The following ARHGEF4 variants were observed in gnomAD, a reference collection of about 807,000 sequenced individuals.
The protein encoded by ARHGEF4 is Rho guanine nucleotide exchange factor 4.
ARHGEF4 carries 119 observed loss-of-function variants against 162.0 expected under a neutral mutation model. The ratio of observed to expected loss-of-function variants is 0.73; its 90% CI spans 0.63 to 0.86. ARHGEF4 has a LOEUF of 0.86. Among genes scored for constraint, ARHGEF4 ranks in the 40% least tolerant of loss-of-function variants. ARHGEF4 has a pLI of 0.00. For synonymous variants in ARHGEF4, 1,014 were observed against 979.9 expected (o/e 1.03, Z -0.65); for missense variants, 2,488 against 2,456.0 (o/e 1.01, Z -0.28).
intron 4 of ARHGEF4, among the ~76,000 whole-genome samples, chr2:130,970,663 C>G (rs1685302880): frequency 6.6e-6 from 1 of 151,468 alleles, no homozygotes; most frequent in Admixed American, 6.6e-5. Flanking sequence ...TTGCATTTTC[C>G]TAGCAACTCC....
chr2:130,884,609 C>A (rs1679397526), intron 1 of ARHGEF4, among the ~76,000 whole-genome samples: 1 of 152,096 alleles, frequency 6.6e-6, no homozygotes, highest in African/African-American at 2.4e-5. Context: ...GGGCAAGTTG[C>A]AACACCTGTT....
chr2:131,028,066 G>A lies in ARHGEF4; in HGVS notation c.4107G>A (p.Glu1369=). The change falls in exon 5 of 14, where the codon GAG becomes GAA. Residue 1369 remains glutamate, a synonymous_variant. Transcript: ENST00000409359. The part of the protein sequence containing the change: ...HHYSHPGGGG[E]QLAINELISD... ...ACAGCCACCCTGGAGGGGGTGGGGA[G>A]CAGCTGGCTATCAATGAGGTAGGGT... 6.2e-7 allele frequency: 1 copy of A among 1,614,002 alleles called. No homozygotes were observed. Among genetic ancestry groups the A allele is most frequent in the Non-Finnish European group, 8.5e-7 (1 of 1,180,012 alleles).
intron 1 of ARHGEF4, among the ~76,000 whole-genome samples, chr2:130,851,283 G>A (rs1681391491): frequency 6.6e-6 from 1 of 152,244 alleles, no homozygotes; most frequent in Admixed American, 6.5e-5. Flanking sequence ...GCATCTGTTG[G>A]TGGCGCCAAC....
chr2:130,906,144 G>A (rs1680799215), intron 1 of ARHGEF4, among the ~76,000 whole-genome samples: 1 of 152,114 alleles, frequency 6.6e-6, no homozygotes, highest in South Asian at 2.1e-4. Context: ...GCACCACAAT[G>A]TGCTCCAGGT....
intron 5 of ARHGEF4, among the ~76,000 whole-genome samples, chr2:131,031,503 A>G (rs1573664730): frequency 6.6e-6 from 1 of 152,352 alleles, no homozygotes; most frequent in East Asian, 1.9e-4. Flanking sequence ...TGCAGAAGCC[A>G]TAGTCCTGCC....
chr2:131,011,590 T>C, intron 4 of ARHGEF4: 1 of 1,514,516 alleles, frequency 6.6e-7, no homozygotes, highest in Non-Finnish European at 8.8e-7. Flanking sequence ...CATTTCATGC[T>C]ATTAATCCCC....
intron 4 of ARHGEF4, among the ~76,000 whole-genome samples, chr2:130,978,979 T>C (rs1233005968): frequency 6.6e-6 from 1 of 152,188 alleles, no homozygotes; most frequent in Non-Finnish European, 1.5e-5. Context: ...TCTCCAAAGT[T>C]ATCAGAAACC....
chr2:130,980,125 G>C (rs1366942712), intron 4 of ARHGEF4, among the ~76,000 whole-genome samples: 2 of 152,172 alleles, frequency 1.3e-5, no homozygotes, highest in African/African-American at 2.4e-5. Context: ...GGATGGGCAT[G>C]GTGGCTCATG....
intron 2 of ARHGEF4, among the ~76,000 whole-genome samples, chr2:130,928,321 A>T (rs1218951935): frequency 6.6e-6 from 1 of 152,188 alleles, no homozygotes; most frequent in Non-Finnish European, 1.5e-5. Context: ...AAGATACAGG[A>T]TTATACCGGG....
intron 3 of ARHGEF4, among the ~76,000 whole-genome samples, chr2:130,931,716 T>C (rs1007545830): frequency 6.6e-6 from 1 of 152,260 alleles, no homozygotes; most frequent in Non-Finnish European, 1.5e-5. Flanking sequence ...CTAGGACACT[T>C]TGACAACATG....
intron 2 of ARHGEF4, among the ~76,000 whole-genome samples, chr2:130,923,510 C>T (rs1257294504): frequency 1.3e-5 from 2 of 152,180 alleles, no homozygotes; most frequent in Non-Finnish European, 2.9e-5. Context: ...GTCATCAAGT[C>T]GATAAACTGA....
intron 1 of ARHGEF4, among the ~76,000 whole-genome samples, chr2:130,856,117 A>G (rs963301285): frequency 1.3e-5 from 2 of 152,240 alleles, no homozygotes; most frequent in African/African-American, 4.8e-5. Context: ...AAAGGAAGCC[A>G]TGAATAAAGA....
At chr2:130,846,922 C>A (rs988399134) in intron 1 of ARHGEF4, among the ~76,000 whole-genome samples, 6 of 152,204 alleles carry the variant, frequency 3.9e-5, no homozygotes, top group African/African-American at 1.4e-4. Flanking sequence ...AGAATCAGGG[C>A]CTGCCGGATG....
At chr2:130,973,495 GTAAA>G (rs1180654746) in intron 4 of ARHGEF4, among the ~76,000 whole-genome samples, 1 of 152,038 alleles carries the variant, frequency 6.6e-6, no homozygotes, top group African/African-American at 2.4e-5. Flanking sequence ...TCTCCAAATA[GTAAA>G]TAAATAAATA....
At chr2:131,010,512 T>C in intron 4 of ARHGEF4, among the ~76,000 whole-genome samples, 1 of 152,226 alleles carries the variant, frequency 6.6e-6, no homozygotes, top group Admixed American at 6.5e-5. Flanking sequence ...AGAGGGATAT[T>C]TTTTTACATT....
rs573488888 is a variant in ARHGEF4 at position 131,038,942 on chromosome 2, C to T, written c.4215C>T (p.Asp1405=). The T allele has an allele frequency of 1.6e-4, 252 of 1,613,742 alleles. No individual in the cohort carries two copies. Among genetic ancestry groups the T allele is most frequent in the Admixed American group, 1.1e-3 (66 of 60,024 alleles). ...DDQELGFKAG[D]VIEVMDATNR... ...AGGAGCTGGGCTTCAAAGCTGGGGA[C>T]GTCATCGAAGTGATGGATGCCACCA... is the stretch of plus-strand genomic sequence containing the variant. Residue 1405 remains aspartate (D), a synonymous_variant, in exon 6 of 14, where the codon GAC becomes GAT. Coordinates refer to ENST00000409359, the MANE Select transcript of ARHGEF4 (RefSeq NM_001367493.1).
At chr2:131,040,541 A>T in intron 8 of ARHGEF4, 101 bp downstream of exon 8, 1 of 1,324,970 alleles carries the variant, frequency 7.5e-7, no homozygotes, top group Non-Finnish European at 1.0e-6. Flanking sequence ...AACCTTCCAC[A>T]ACGCCTGGGC....
intron 1 of ARHGEF4, among the ~76,000 whole-genome samples, chr2:130,844,642 GGTCC>G (rs1276914790): frequency 1.1e-4 from 17 of 152,022 alleles, no homozygotes; most frequent in Non-Finnish European, 2.5e-4. Flanking sequence ...CCCCTAGGTG[GGTCC>G]ACTCTCCCAT....
intron 1 of ARHGEF4, among the ~76,000 whole-genome samples, chr2:130,902,705 C>CGGT (rs1680557810): frequency 7.2e-6 from 1 of 138,446 alleles, no homozygotes; most frequent in South Asian, 2.2e-4. Flanking sequence ...GTAATCCTCT[C>CGGT]GGCACATTAT....
Sources: allele counts gnomAD v4.1 joint callset (sites outside exome capture counted in the v4.1 genomes callset), GRCh38; gene constraint gnomAD v4.1.1; transcripts MANE v1.5; gene names NCBI Gene and HGNC (gene_info 2026-07-23, HGNC 2026-07-21).